CANX: variants seen among roughly 807,000 people sequenced by gnomAD.
CANX encodes the protein epididymis secretory sperm binding protein.
In CANX, 14 loss-of-function variants were observed where a neutral mutation model predicts 75.7. The observed-to-expected ratio is 0.19, with a 90% CI of 0.12 to 0.29. The LOEUF is 0.29. Ranked by LOEUF, CANX falls within the 10% of genes least tolerant of loss-of-function variation. The pLI, the probability that CANX is intolerant of heterozygous loss-of-function variation, is 1.00. For missense variants in CANX, 567 were observed against 713.2 expected, an observed-to-expected ratio of 0.79 and a Z score of 2.34; for synonymous variants, 227 against 236.9, an observed-to-expected ratio of 0.96 and a Z score of 0.38.
In CANX at chr5:179,724,645, G is replaced by T. The variant is rs776858555; in HGVS notation, c.1519-12G>T. On this transcript the variant is annotated splice_polypyrimidine_tract_variant and intron_variant, in intron 12 of 14. Coordinates refer to ENST00000247461, the MANE Select transcript of CANX (RefSeq NM_001746.4). ...ACATGTAAACAAAATTGTACTTTGG[G>T]GAACATTTCAGAAACAGACCAGTGG... is the stretch of plus-strand genomic sequence containing the variant. 2.0e-5 allele frequency: 32 copies of T among 1,609,632 alleles called. No individual in the cohort carries two copies. In the Middle Eastern group the frequency reaches 4.9e-4, roughly 25 times the overall value.
At chr5:179,717,659 A>G (rs1398501519) in intron 8 of CANX, among the ~76,000 whole-genome samples, 1 of 151,858 alleles carries the variant, frequency 6.6e-6, no homozygotes. Context: ...TGTGATTATG[A>G]ATAATGCTGC....
chr5:179,683,614 A>G (rs568820291), intron 1 of CANX, among the ~76,000 whole-genome samples: 1 of 151,224 alleles, frequency 6.6e-6, no homozygotes, highest in African/African-American at 2.4e-5. Flanking sequence ...GCTCACTGCA[A>G]CCTCTGCCTC....
chr5:179,723,211 G>A (rs1416304601), intron 11 of CANX, among the ~76,000 whole-genome samples, 192 bp downstream of exon 11: 3 of 151,678 alleles, frequency 2.0e-5, no homozygotes, highest in East Asian at 1.9e-4. Flanking sequence ...TTTAGAGTCT[G>A]TTTGTGTTCA....
chr5:179,716,360 A>G (rs1777952689), intron 8 of CANX, 66 bp downstream of exon 8: 1 of 1,209,584 alleles, frequency 8.3e-7, no homozygotes, highest in East Asian at 2.4e-5. Context: ...GGCTTGAACA[A>G]CGAAATGTTG....
chr5:179,679,603 G>A (rs983651235), intron 1 of CANX, among the ~76,000 whole-genome samples: 1 of 152,178 alleles, frequency 6.6e-6, no homozygotes, highest in Non-Finnish European at 1.5e-5. Flanking sequence ...TTGCCAGGTG[G>A]GTTGAGGATG....
chr5:179,688,662 C>T (rs1776239049), intron 1 of CANX, among the ~76,000 whole-genome samples: 1 of 151,140 alleles, frequency 6.6e-6, no homozygotes, highest in Non-Finnish European at 1.5e-5. Flanking sequence ...TGCGCCCGGC[C>T]GCCTAAGGTC....
At chr5:179,689,569 T>TA (rs1776263232) in intron 1 of CANX, among the ~76,000 whole-genome samples, 1 of 151,998 alleles carries the variant, frequency 6.6e-6, no homozygotes, top group Non-Finnish European at 1.5e-5. Flanking sequence ...TTGGTATTTT[T>TA]AATAGAGACA....
At chr5:179,725,351 C>G (rs1256591144) in intron 13 of CANX, among the ~76,000 whole-genome samples, 2 of 151,736 alleles carry the variant, frequency 1.3e-5, no homozygotes, top group Non-Finnish European at 2.9e-5. Context: ...GGATTACAGG[C>G]GTGAGCCACC....
rs774092285 is a variant in CANX at position 179,720,423 on chromosome 5, GA to G, written c.1047del (p.Glu349AspfsTer25). Reference protein sequence around the residue: ...PEDWDEDMDGEWEAPQIANPR... With the variant: ...PEDWDEDMDGXWEAPQIANPR... ...CCGTAGGGATGAAGACATGGATGGA[GA>G]ATGGGAGGCTCCTCAGATTGCCAAC... On this transcript the variant is annotated frameshift_variant, in exon 10 of 15. Transcript: ENST00000247461. LOFTEE classifies it high-confidence loss of function. The G allele has an allele frequency of 6.2e-7, 1 of 1,613,980 alleles. No homozygotes were observed.
rs143578920 is a variant in CANX, at chr5:179,715,681, G to A, written c.722-424G>A. Among the ~76,000 whole-genome samples, 105 of 152,254 alleles carry A rather than the reference G, an allele frequency of 6.9e-4. No individual in the cohort carries two copies. The East Asian group carries it at 6.9e-3, about 10-fold the overall frequency. ...TGGAGGTTTGTGTAATTTCAGTAAC[G>A]TAATAATACCAGCTCTATTAAAAAT... On this transcript the variant is annotated intron_variant, in intron 7 of 14. Coordinates refer to ENST00000247461, the MANE Select transcript of CANX (RefSeq NM_001746.4).
intron 13 of CANX, among the ~76,000 whole-genome samples, chr5:179,726,160 C>CA (rs1231613733): frequency 1.3e-5 from 2 of 151,690 alleles, no homozygotes; most frequent in African/African-American, 4.8e-5. Flanking sequence ...TGGTGGTGGG[C>CA]ACCTGTAATC....
intron 8 of CANX, 100 bp downstream of exon 8, chr5:179,716,394 A>G: frequency 1.2e-6 from 1 of 812,270 alleles, no homozygotes. Flanking sequence ...TGATAATTTC[A>G]GTAATCCATG....
upstream of CANX, chr5:179,694,392 G>C (rs1776353915): frequency 1.6e-6 from 1 of 624,236 alleles, no homozygotes; most frequent in Non-Finnish European, 2.9e-6. Flanking sequence ...GACGGATAAA[G>C]TGCACTGTGA....
At chr5:179,683,206 G>A (rs1776113222) in intron 1 of CANX, among the ~76,000 whole-genome samples, 1 of 152,180 alleles carries the variant, frequency 6.6e-6, no homozygotes, top group Non-Finnish European at 1.5e-5. Flanking sequence ...TCAGCTCACT[G>A]CGACCTCCAC....
At chr5:179,713,456 TAAAGC>T (rs914959257) in intron 7 of CANX, among the ~76,000 whole-genome samples, 4 of 152,120 alleles carry the variant, frequency 2.6e-5, no homozygotes, top group African/African-American at 9.7e-5. Flanking sequence ...AGAAAACACT[TAAAGC>T]GAGGGAGAGG....
intron 6 of CANX, 75 bp downstream of exon 6, chr5:179,709,134 TGCAGTGGCTCA>T: frequency 1.1e-6 from 1 of 916,668 alleles, no homozygotes. Flanking sequence ...TTGGGCCGGG[TGCAGTGGCTCA>T]CGCCTGTAAT....
intron 7 of CANX, among the ~76,000 whole-genome samples, chr5:179,713,352 G>A (rs145176328): frequency 0.016 from 2,504 of 152,246 alleles, 73 homozygotes; most frequent in African/African-American, 0.058. Flanking sequence ...GATTACAGGC[G>A]TGAGCCACTG....
intron 9 of CANX, among the ~76,000 whole-genome samples, 195 bp from the exon 10 acceptor site, chr5:179,720,209 A>G (rs1184063919): frequency 6.6e-6 from 1 of 151,912 alleles, no homozygotes; most frequent in Non-Finnish European, 1.5e-5. Context: ...AGAATTTGAC[A>G]ATTTTAATTA....
At chr5:179,695,210 G>A (rs922274270), upstream of CANX, among the ~76,000 whole-genome samples, 5 of 151,630 alleles carry the variant, frequency 3.3e-5, no homozygotes, top group East Asian at 1.9e-4. Flanking sequence ...CCCCACACCC[G>A]GCTAATTTTT....
Sources: gnomAD v4.1 joint callset for allele counts (sites outside exome capture counted in the v4.1 genomes callset) on GRCh38, gnomAD v4.1.1 for gene constraint, MANE v1.5 for transcripts, NCBI Gene and HGNC (gene_info 2026-07-23, HGNC 2026-07-21) for gene names.